GRM8: variants seen among roughly 807,000 people sequenced by gnomAD.
GRM8 encodes glutamate metabotropic receptor 8, also known as metabotropic glutamate receptor 8.
GRM8 carries 47 observed loss-of-function variants against 87.2 expected under a neutral mutation model. That is an observed-to-expected ratio of 0.54 (90% CI 0.43 to 0.69). The LOEUF is 0.69. Among genes scored for constraint, GRM8 ranks in the 30% least tolerant of loss-of-function variants. The pLI is 0.00. For synonymous variants in GRM8, 396 were observed against 404.5 expected (o/e 0.98, Z 0.25); for missense variants, 1,019 against 1,139.2 (o/e 0.89, Z 1.52).
intron 6 of GRM8, among the ~76,000 whole-genome samples, chr7:126,804,220 G>C (rs1792412284): frequency 6.6e-6 from 1 of 152,204 alleles, no homozygotes; most frequent in Admixed American, 6.5e-5. Flanking sequence ...CAGCTGTCTG[G>C]CAGCTTAGCT....
Position 126,439,057 on chromosome 7 carries a change from G to A in GRM8, c.*62C>T, listed in dbSNP as rs546725185. Reference sequence around the variant, plus strand: ...AGATCTCCAGGAGTGAATTTTTGCGGTCTCATGTTCATCATTTAAGATCAT... The same window carrying A: ...AGATCTCCAGGAGTGAATTTTTGCGATCTCATGTTCATCATTTAAGATCAT... On this transcript the variant is annotated 3_prime_UTR_variant, in exon 11 of 11. Transcript: ENST00000339582. 17 of 985,176 alleles carry A rather than the reference G, an allele frequency of 1.7e-5. 1 individual carries two copies. In the South Asian group the frequency reaches 2.0e-4, roughly 12 times the overall value. The allele number at this position is 985,176 out of a possible 1,614,324, so 61.0% of individuals were successfully genotyped here.
At position 126,590,837 on chromosome 7, in the gene GRM8, C is replaced by G. The variant is rs1243457004; in HGVS notation, c.1494+18525G>C. Among the ~76,000 whole-genome samples the G allele has an allele frequency of 2.0e-5, 3 of 152,232 alleles. No individual in the cohort carries two copies. The East Asian group carries it at 5.8e-4, about 29-fold the overall frequency. On this transcript the variant is annotated intron_variant, in intron 8 of 10. Transcript: ENST00000339582. ...AAACAAATGCTGAGAGAATATACCA[C>G]TACCAAGCCAGCACTGTAAGAACTA...
chr7:127,150,164 T>C (rs924209550), intron 2 of GRM8, among the ~76,000 whole-genome samples: 3 of 152,004 alleles, frequency 2.0e-5, no homozygotes, highest in African/African-American at 7.2e-5. Context: ...ATTTTATAAA[T>C]AAATAAAATT....
chr7:126,471,093 C>T (rs2150556444), intron 9 of GRM8, among the ~76,000 whole-genome samples: 1 of 152,056 alleles, frequency 6.6e-6, no homozygotes, highest in Admixed American at 6.5e-5. Context: ...GATATTAGCC[C>T]TTTGTCAGAT....
At chr7:126,750,441 T>C (rs1453357879) in intron 7 of GRM8, among the ~76,000 whole-genome samples, 2 of 152,014 alleles carry the variant, frequency 1.3e-5, no homozygotes, top group African/African-American at 4.8e-5. Flanking sequence ...CCTCAAATTG[T>C]ACACTTGAAA....
intron 7 of GRM8, among the ~76,000 whole-genome samples, chr7:126,692,554 T>G (rs1808943411): frequency 1.3e-5 from 2 of 152,212 alleles, no homozygotes; most frequent in African/African-American, 4.8e-5. Context: ...GTGTTCAATA[T>G]GCCATCCTGG....
intron 3 of GRM8, among the ~76,000 whole-genome samples, chr7:126,938,163 T>G (rs1806534484): frequency 6.6e-6 from 1 of 152,212 alleles, no homozygotes; most frequent in South Asian, 2.1e-4. Flanking sequence ...GGAAATTTTT[T>G]GTCCTTAACT....
intron 6 of GRM8, among the ~76,000 whole-genome samples, chr7:126,882,886 T>A (rs1195021708): frequency 6.6e-6 from 1 of 152,132 alleles, no homozygotes; most frequent in Non-Finnish European, 1.5e-5. Flanking sequence ...ACCTTAATAG[T>A]ATTTGTAATT....
intron 2 of GRM8, among the ~76,000 whole-genome samples, chr7:127,178,238 G>A (rs1189060443): frequency 6.6e-6 from 1 of 152,130 alleles, no homozygotes; most frequent in Admixed American, 6.5e-5. Flanking sequence ...AATTGAGCAA[G>A]TAGAAGAAAG....
intron 7 of GRM8, among the ~76,000 whole-genome samples, chr7:126,622,109 T>C (rs1800241189): frequency 6.6e-6 from 1 of 152,170 alleles, no homozygotes; most frequent in African/African-American, 2.4e-5. Context: ...CATTGTTTAA[T>C]AAAATGATAA....
intron 2 of GRM8, among the ~76,000 whole-genome samples, chr7:127,163,350 C>A (rs759618251): frequency 1.3e-5 from 2 of 152,088 alleles, no homozygotes; most frequent in Admixed American, 6.6e-5. Context: ...TTACGTATAA[C>A]ACCCTCTTTC....
chr7:126,826,443 T>A (rs1794807950), intron 6 of GRM8, among the ~76,000 whole-genome samples: 1 of 152,194 alleles, frequency 6.6e-6, no homozygotes, highest in African/African-American at 2.4e-5. Context: ...CTCATTGTGG[T>A]TTTGATTTGC....
chr7:126,859,230 A>G (rs1797949528), intron 6 of GRM8, among the ~76,000 whole-genome samples: 1 of 152,084 alleles, frequency 6.6e-6, no homozygotes. Context: ...CTTGTGGCAC[A>G]CAGTAGGTTT....
At chr7:126,802,765 C>A (rs1822865068) in intron 6 of GRM8, among the ~76,000 whole-genome samples, 1 of 152,132 alleles carries the variant, frequency 6.6e-6, no homozygotes, top group South Asian at 2.1e-4. Flanking sequence ...AGCCATGCCA[C>A]AAACTGGAAT....
intron 3 of GRM8, 121 bp from the exon 4 acceptor site, chr7:126,904,804 C>G: frequency 2.4e-6 from 2 of 831,800 alleles, no homozygotes; most frequent in Non-Finnish European, 3.9e-6. Context: ...AAATATGTGT[C>G]ACTCTCACCT....
intron 2 of GRM8, among the ~76,000 whole-genome samples, chr7:127,190,550 A>G (rs941369936): frequency 6.6e-6 from 1 of 152,144 alleles, no homozygotes; most frequent in African/African-American, 2.4e-5. Context: ...TCTTAAAAAA[A>G]AAAAAAAATG....
At chr7:126,526,172 C>T (rs1813798594) in intron 9 of GRM8, among the ~76,000 whole-genome samples, 1 of 152,136 alleles carries the variant, frequency 6.6e-6, no homozygotes, top group Admixed American at 6.5e-5. Flanking sequence ...TAAAAAGTGT[C>T]TTACAAAATC....
intron 7 of GRM8, among the ~76,000 whole-genome samples, chr7:126,703,814 G>C (rs546176919): frequency 6.6e-6 from 1 of 152,186 alleles, no homozygotes; most frequent in Admixed American, 6.5e-5. Context: ...CTCCAGCCTT[G>C]GCCCCCCAGC....
At chr7:126,620,695 T>TACAA (rs3038840) in intron 7 of GRM8, among the ~76,000 whole-genome samples, 2 of 151,910 alleles carry the variant, frequency 1.3e-5, no homozygotes, top group African/African-American at 2.4e-5. Flanking sequence ...CCTAAACTGT[T>TACAA]GCATGAGATG....
Sources: gnomAD v4.1 joint callset for allele counts (sites outside exome capture counted in the v4.1 genomes callset) on GRCh38, gnomAD v4.1.1 for gene constraint, MANE v1.5 for transcripts, NCBI Gene and HGNC (gene_info 2026-07-23, HGNC 2026-07-21) for gene names.